LUZP2: variants seen among roughly 807,000 people sequenced by gnomAD.
LUZP2 encodes leucine zipper protein 2.
LUZP2 carries 52 observed loss-of-function variants against 51.6 expected under a neutral mutation model. The ratio of observed to expected loss-of-function variants is 1.01; its 90% CI spans 0.81 to 1.27. The LOEUF is 1.27. LUZP2 is among the 50% of genes most tolerant of loss of function. The probability of loss-of-function intolerance (pLI) is 0.00; values close to 1 mark genes in which losing one functional copy is unlikely to be tolerated. For missense variants in LUZP2, 436 were observed against 395.4 expected (o/e 1.10, Z -0.87); for synonymous variants, 154 against 137.3 (o/e 1.12, Z -0.85).
chr11:24,585,771 T>A (rs1853042958), intron 1 of LUZP2, among the ~76,000 whole-genome samples: 1 of 152,000 alleles, frequency 6.6e-6, no homozygotes, highest in African/African-American at 2.4e-5. Context: ...ATGAGCCGCT[T>A]TCAGACAAAC....
At chr11:24,856,500 C>T (rs1851571382) in intron 5 of LUZP2, among the ~76,000 whole-genome samples, 1 of 151,744 alleles carries the variant, frequency 6.6e-6, no homozygotes, top group Non-Finnish European at 1.5e-5. Context: ...ATTAGTATAC[C>T]CTCTATAGAA....
At chr11:24,892,204 G>A in intron 5 of LUZP2, 1 of 985,408 alleles carries the variant, frequency 1.0e-6, no homozygotes, top group Non-Finnish European at 1.2e-6. Context: ...TGTGATCTGT[G>A]AGGAAAAATG....
chr11:24,770,439 C>T (rs12164817), intron 5 of LUZP2, among the ~76,000 whole-genome samples: 12,222 of 152,122 alleles, frequency 0.08, 1,066 homozygotes, highest in African/African-American at 0.22. Context: ...TCTCTATTTT[C>T]CTTTCTTTCA....
chr11:24,603,652 A>T (rs2081710746), intron 1 of LUZP2, among the ~76,000 whole-genome samples: 1 of 151,844 alleles, frequency 6.6e-6, no homozygotes, highest in Non-Finnish European at 1.5e-5. Flanking sequence ...GTAAATATGC[A>T]TTGTTGTTCT....
intron 1 of LUZP2, among the ~76,000 whole-genome samples, chr11:24,662,039 AC>A (rs1027256987): frequency 2.0e-5 from 3 of 152,160 alleles, no homozygotes; most frequent in African/African-American, 7.2e-5. Context: ...AGACAATGCC[AC>A]CGACAGGCAA....
chr11:24,516,710 T>C (rs1850474344), intron 1 of LUZP2, among the ~76,000 whole-genome samples: 1 of 152,204 alleles, frequency 6.6e-6, no homozygotes, highest in African/African-American at 2.4e-5. Flanking sequence ...AAGAGGTCTT[T>C]CCTGGTGCTG....
chr11:24,691,989 AAACT>A lies in LUZP2; in HGVS notation c.63-37173_63-37170del, dbSNP rs1252551841. Among the ~76,000 whole-genome samples, 7 of 152,202 alleles carry A rather than the reference AAACT, an allele frequency of 4.6e-5. No homozygotes were observed. In the South Asian group the frequency reaches 6.2e-4, roughly 14 times the overall value. ...ATTATGCAATTATTTTTATATAGGA[AAACT>A]AACTAAAATATTATATGTTTTCTAA... On this transcript the variant is annotated intron_variant, in intron 1 of 11. Transcript: ENST00000336930.
At chr11:25,024,410 C>G (rs1216497695) in intron 9 of LUZP2, among the ~76,000 whole-genome samples, 1 of 151,842 alleles carries the variant, frequency 6.6e-6, no homozygotes, top group South Asian at 2.1e-4. Context: ...ATCGTCTCAG[C>G]CCAAAATCCC....
intron 9 of LUZP2, among the ~76,000 whole-genome samples, chr11:25,029,424 C>T (rs9804447): frequency 0.58 from 87,639 of 151,462 alleles, 26,430 homozygotes; most frequent in African/African-American, 0.75. Flanking sequence ...AATATGAACA[C>T]TCTTTAAAAA....
intron 1 of LUZP2, among the ~76,000 whole-genome samples, chr11:24,539,759 G>A (rs1851297698): frequency 6.6e-6 from 1 of 151,854 alleles, no homozygotes; most frequent in African/African-American, 2.4e-5. Flanking sequence ...CCATTTTGTG[G>A]GAGAAATTAT....
At chr11:24,639,509 T>G (rs1035504052) in intron 1 of LUZP2, among the ~76,000 whole-genome samples, 1 of 151,830 alleles carries the variant, frequency 6.6e-6, no homozygotes, top group African/African-American at 2.4e-5. Context: ...TGGAGTGCAG[T>G]GGTGAGATCT....
At chr11:24,574,570 A>AAT (rs1376956796) in intron 1 of LUZP2, among the ~76,000 whole-genome samples, 1 of 152,048 alleles carries the variant, frequency 6.6e-6, no homozygotes, top group Non-Finnish European at 1.5e-5. Context: ...GACTTTATTT[A>AAT]AAACTACTAC....
At chr11:24,872,243 T>C (rs1014449235) in intron 5 of LUZP2, among the ~76,000 whole-genome samples, 1 of 152,164 alleles carries the variant, frequency 6.6e-6, no homozygotes. Flanking sequence ...AAATTCACCT[T>C]ATATACCAGT....
rs142074866 is a variant in LUZP2 at position 24,545,021 on chromosome 11, C to A, written c.62+47716C>A. Among the ~76,000 whole-genome samples, 458 of 152,086 alleles carry A rather than the reference C, an allele frequency of 3.0e-3. 3 individuals are homozygous for A. Among genetic ancestry groups the A allele is most frequent in the Non-Finnish European group, 3.8e-3 (259 of 67,984 alleles). ...GATATCTCATTGTGGTTTTGATTTG[C>A]ATTTCTCTAATGATCAGTGATGTTG... On this transcript the variant is annotated intron_variant, in intron 1 of 11. Coordinates refer to ENST00000336930, the MANE Select transcript of LUZP2 (RefSeq NM_001009909.4).
intron 9 of LUZP2, among the ~76,000 whole-genome samples, chr11:25,018,367 C>G (rs1323265866): frequency 6.6e-6 from 1 of 151,972 alleles, no homozygotes; most frequent in African/African-American, 2.4e-5. Flanking sequence ...AACAGAATCA[C>G]TAAGTTCAGC....
In LUZP2 at chr11:24,814,438, TC is replaced by T. The variant is rs556831550; in HGVS notation, c.396+51132del. 1.8e-3 allele frequency among the ~76,000 whole-genome samples: 280 copies of T among 152,300 alleles called. 1 individual carries two copies. Among genetic ancestry groups the T allele is most frequent in the Non-Finnish European group, 3.2e-3 (221 of 68,014 alleles). On this transcript the variant is annotated intron_variant, in intron 5 of 11. Coordinates refer to ENST00000336930, the MANE Select transcript of LUZP2 (RefSeq NM_001009909.4). ...TTATTCCTAGAGACTATGTATGTGG[TC>T]CTTGAGGGCTTTATGAAAGAGTCTT...
At chr11:24,883,880 C>A (rs895073116) in intron 5 of LUZP2, among the ~76,000 whole-genome samples, 1 of 151,950 alleles carries the variant, frequency 6.6e-6, no homozygotes, top group Non-Finnish European at 1.5e-5. Flanking sequence ...GGTAAAACTC[C>A]ATAAGTAGAA....
At chr11:24,860,408 TC>T (rs922603948) in intron 5 of LUZP2, among the ~76,000 whole-genome samples, 25 of 151,974 alleles carry the variant, frequency 1.6e-4, no homozygotes, top group Non-Finnish European at 2.6e-4. Flanking sequence ...GAGTGGGTTT[TC>T]CCCCCAGTGA....
intron 5 of LUZP2, among the ~76,000 whole-genome samples, chr11:24,855,086 G>A (rs762479397): frequency 1.1e-4 from 16 of 152,016 alleles, no homozygotes; most frequent in African/African-American, 2.4e-4. Flanking sequence ...GTGATCTTCC[G>A]TTCTCGCCAC....
Sources: allele counts gnomAD v4.1 joint callset (sites outside exome capture counted in the v4.1 genomes callset), GRCh38; gene constraint gnomAD v4.1.1; transcripts MANE v1.5; gene names NCBI Gene and HGNC (gene_info 2026-07-23, HGNC 2026-07-21).